Variants in TRIM5 observed in about 807,000 individuals in gnomAD.
TRIM5 encodes tripartite motif-containing protein 5.
TRIM5 carries 31 observed loss-of-function variants against 35.6 expected under a neutral mutation model. The observed-to-expected ratio is 0.87, with a 90% CI of 0.65 to 1.18. The LOEUF (loss-of-function observed/expected upper bound fraction) is 1.18, where lower values mean the gene tolerates loss of function less well. TRIM5 is among the 50% of genes most tolerant of loss of function. The pLI is 0.00. For missense variants in TRIM5, 609 were observed against 591.6 expected, an observed-to-expected ratio of 1.03 and a Z score of -0.31; for synonymous variants, 243 against 215.6, an observed-to-expected ratio of 1.13 and a Z score of -1.11.
At chr11:5,594,855 G>C in the TRIM5 span, among the ~76,000 whole-genome samples, 85 of 152,290 alleles carry the variant, frequency 5.6e-4, 2 homozygotes, top group African/African-American at 1.9e-3. Context: ...ATACTGGGCA[G>C]TTTGGGTGGG....
the TRIM5 span, among the ~76,000 whole-genome samples, chr11:5,599,383 A>ATTTATTTATTTATTTATT: frequency 1.4e-5 from 2 of 146,866 alleles, no homozygotes; most frequent in Non-Finnish European, 3.0e-5. Context: ...TACAATTATT[A>ATTTATTTATTTATTTATT]TATTTATTTA....
At chr11:5,605,433 G>A in the TRIM5 span, 1 of 1,614,190 alleles carries the variant, frequency 6.2e-7, no homozygotes, top group Non-Finnish European at 8.5e-7. Context: ...GAAAAAGCTG[G>A]AACAGGAAGA....
chr11:5,665,796 T>C (rs1851086839), intron 6 of TRIM5, 114 bp from the exon 7 acceptor site: 1 of 1,426,378 alleles, frequency 7.0e-7, no homozygotes, highest in Non-Finnish European at 9.3e-7. Context: ...GGCAGTAAAT[T>C]GCTGAATGAT....
downstream of TRIM5, chr11:5,663,048 C>T (rs1850884785): frequency 5.4e-6 from 1 of 183,618 alleles, no homozygotes; most frequent in Admixed American, 6.6e-5. Flanking sequence ...AAGGATGAAC[C>T]CTGGAGATGG....
chr11:5,604,776 C>A, the TRIM5 span: 1 of 752,220 alleles, frequency 1.3e-6, no homozygotes, highest in Non-Finnish European at 2.0e-6. Context: ...TATATTCCTT[C>A]CAAACAGGGG....
chr11:5,605,314 C>G, the TRIM5 span: 7 of 1,613,588 alleles, frequency 4.3e-6, no homozygotes, highest in African/African-American at 6.7e-5. Context: ...CTAGCAGCCT[C>G]TTTTTCTTCC....
chr11:5,679,614 A>T, intron 2 of TRIM5, 147 bp downstream of exon 2: 2 of 838,670 alleles, frequency 2.4e-6, no homozygotes, highest in Non-Finnish European at 3.6e-6. Flanking sequence ...AACCATCCTT[A>T]AAGCCTCAGA....
the TRIM5 span, among the ~76,000 whole-genome samples, chr11:5,600,386 C>T: frequency 2.0e-5 from 3 of 147,516 alleles, no homozygotes; most frequent in African/African-American, 8.1e-5. Flanking sequence ...CTGTGAGCAT[C>T]GCTGCTGCTA....
chr11:5,638,730 G>A, the TRIM5 span, among the ~76,000 whole-genome samples: 2 of 152,136 alleles, frequency 1.3e-5, no homozygotes, highest in Non-Finnish European at 2.9e-5. Flanking sequence ...CTTAGTTACT[G>A]GTGCCGTTTT....
At chr11:5,614,625 A>G in the TRIM5 span, among the ~76,000 whole-genome samples, 1 of 152,204 alleles carries the variant, frequency 6.6e-6, no homozygotes, top group Admixed American at 6.5e-5. Flanking sequence ...AACTATGTTA[A>G]TTCCATTCTA....
the TRIM5 span, among the ~76,000 whole-genome samples, chr11:5,614,647 T>G: frequency 1.5e-4 from 23 of 152,286 alleles, no homozygotes; most frequent in Non-Finnish European, 3.1e-4. Context: ...AGCCTAAAGT[T>G]TGTAAAAGAG....
chr11:5,675,296 G>C (rs970633382), intron 4 of TRIM5, among the ~76,000 whole-genome samples: 1 of 152,122 alleles, frequency 6.6e-6, no homozygotes, highest in Admixed American at 6.5e-5. Context: ...GATGACAACA[G>C]AGCATTAAAT....
chr11:5,636,545 A>G, the TRIM5 span, among the ~76,000 whole-genome samples: 2,340 of 152,286 alleles, frequency 0.015, 45 homozygotes, highest in African/African-American at 0.047. Context: ...AAACAAAAAC[A>G]AAAAGGTTCC....
chr11:5,677,432 A>G (rs1852075400), intron 4 of TRIM5, among the ~76,000 whole-genome samples: 1 of 152,256 alleles, frequency 6.6e-6, no homozygotes, highest in Admixed American at 6.5e-5. Flanking sequence ...TAGAATGGCA[A>G]TCATTAAAAA....
the TRIM5 span, chr11:5,643,384 G>A: frequency 7.5e-4 from 1,212 of 1,614,074 alleles, 10 homozygotes; most frequent in African/African-American, 0.014. Context: ...GTTAGAAGAT[G>A]TGCAAATCGT....
chr11:5,666,172 G>A, intron 5 of TRIM5, 91 bp from the exon 6 acceptor site: 5 of 1,106,988 alleles, frequency 4.5e-6, no homozygotes, highest in Middle Eastern at 4.0e-4. Flanking sequence ...AACCCATTGA[G>A]GCACTTGAAC....
the TRIM5 span, among the ~76,000 whole-genome samples, chr11:5,622,015 A>T: frequency 6.6e-6 from 1 of 152,174 alleles, no homozygotes; most frequent in Non-Finnish European, 1.5e-5. Context: ...TGGTAAAATA[A>T]ACTTTCTATA....
the TRIM5 span, among the ~76,000 whole-genome samples, chr11:5,622,249 T>G: frequency 6.6e-6 from 1 of 151,854 alleles, no homozygotes; most frequent in African/African-American, 2.4e-5. Context: ...TTTGAGACCA[T>G]CCTGGCCAAC....
rs1033794360 is a variant in TRIM5, at chr11:5,664,445, G to A, written c.*364C>T. 3.0e-5 allele frequency: 31 copies of A among 1,018,008 alleles called. No homozygotes were observed. The highest frequency in any genetic ancestry group is 5.1e-5 in the Admixed American group (1 of 19,720). 63.1% of individuals were successfully genotyped at this position (1,018,008 alleles called of 1,614,324 possible). On this transcript the variant is annotated 3_prime_UTR_variant, in exon 8 of 8. Transcript: ENST00000380034. ...ATTCATTGGTGAACAATTATCACAC[G>A]ATGATATAGAAAGGCTGTTGAAAAG...
Sources: gnomAD v4.1 joint callset for allele counts (sites outside exome capture counted in the v4.1 genomes callset) on GRCh38, gnomAD v4.1.1 for gene constraint, MANE v1.5 for transcripts, NCBI Gene and HGNC (gene_info 2026-07-23, HGNC 2026-07-21) for gene names.